ADAMTS7: variants seen among roughly 807,000 people sequenced by gnomAD.
ADAMTS7 encodes the protein ADAM metallopeptidase with thrombospondin type 1 motif 7.
Under a neutral mutation model 172.6 loss-of-function variants are expected in ADAMTS7, and 89 were observed. The ratio of observed to expected loss-of-function variants is 0.52; its 90% CI spans 0.43 to 0.61. The LOEUF (loss-of-function observed/expected upper bound fraction) is 0.61. Ranked by LOEUF, ADAMTS7 falls within the 20% of genes least tolerant of loss-of-function variation. The pLI, the probability that ADAMTS7 is intolerant of heterozygous loss-of-function variation, is 0.00. For missense variants in ADAMTS7, 1,973 were observed against 2,355.6 expected (o/e 0.84, Z 3.36); for synonymous variants, 885 against 978.4 (o/e 0.90, Z 1.78).
rs766058429 is a variant in ADAMTS7 at position 78,768,681 on chromosome 15, G to A, written c.2519-422C>T. ...GCATGTGCAGGCTCAGCCCGTGCCC[G>A]GCACATCCTAAGAGCTCGATCCATG... is the stretch of plus-strand genomic sequence containing the variant. On this transcript the variant is annotated intron_variant, in intron 16 of 23. Transcript: ENST00000388820. 3.3e-5 allele frequency among the ~76,000 whole-genome samples: 5 copies of A among 152,188 alleles called. No individual in the cohort carries two copies. The East Asian group carries it at 5.8e-4, about 18-fold the overall frequency.
chr15:78,782,176 G>C (rs4886591), intron 8 of ADAMTS7, among the ~76,000 whole-genome samples: 2 of 151,634 alleles, frequency 1.3e-5, no homozygotes, highest in Non-Finnish European at 2.9e-5. Flanking sequence ...GATTATAGGC[G>C]TGCACCACCA....
chr15:78,801,197 A>G (rs1303967215), intron 1 of ADAMTS7, among the ~76,000 whole-genome samples: 8 of 151,994 alleles, frequency 5.3e-5, no homozygotes, highest in African/African-American at 1.7e-4. Context: ...GTCTTACTCT[A>G]CTCATCGTCT....
chr15:78,764,710 G>A lies in ADAMTS7; in HGVS notation c.4267-3C>T, dbSNP rs1283132528. 4.0e-6 allele frequency: 6 copies of A among 1,508,104 alleles called. No individual in the cohort carries two copies. Among genetic ancestry groups the A allele is most frequent in the Non-Finnish European group, 5.3e-6 (6 of 1,136,134 alleles). 93.4% of individuals were successfully genotyped at this position (1,508,104 alleles called of 1,614,324 possible). On this transcript the variant is annotated splice_polypyrimidine_tract_variant and splice_region_variant and intron_variant, in intron 19 of 23. Transcript: ENST00000388820. ...CCCAGGCCACAGGTGGTAGAGCACT[G>A]CGGGGCAGAGACCCGTGAAAGCCAG...
Position 78,797,925 on chromosome 15 carries a change from G to A in ADAMTS7, c.622+23C>T, listed in dbSNP as rs780666062. Reference sequence around the variant, plus strand: ...GTCCCCAGGCCCAGCACCCACCCGAGAACTGGGAGCAGAAGAGCATACCTT... The same window carrying A: ...GTCCCCAGGCCCAGCACCCACCCGAAAACTGGGAGCAGAAGAGCATACCTT... On this transcript the variant is annotated intron_variant, in intron 3 of 23. Coordinates refer to ENST00000388820, the MANE Select transcript of ADAMTS7 (RefSeq NM_014272.5). 3.8e-6 allele frequency: 6 copies of A among 1,589,746 alleles called. No homozygotes were observed. The South Asian group carries it at 5.7e-5, about 15-fold the overall frequency.
At position 78,771,710 on chromosome 15, in the gene ADAMTS7, C is replaced by T; in HGVS notation, c.2251G>A (p.Gly751Ser). The T allele has an allele frequency of 1.9e-6, 3 of 1,608,396 alleles. No individual in the cohort carries two copies. The highest frequency in any genetic ancestry group is 1.3e-5 in the African/African-American group (1 of 75,008). ...SEDPEKYFLN[G>S]GWTIQWNGDY... The stretch of plus-strand genomic sequence containing the variant: ...CCGTTCCACTGGATGGTCCAGCCAC[C>T]ATTGAGGAAGTACTTCTCCGGGTCC... Residue 751 changes from glycine to serine, a missense_variant, in exon 15 of 24, where the codon GGT (glycine) becomes AGT (serine). By Grantham distance (56) the Gly-to-Ser change is moderately conservative. Transcript: ENST00000388820. The surrounding 1 kb of genome is among the most constrained non-coding windows in gnomAD (Gnocchi z 4.9).
chr15:78,772,194 C>T (rs779325463), intron 14 of ADAMTS7, among the ~76,000 whole-genome samples: 14 of 152,302 alleles, frequency 9.2e-5, no homozygotes, highest in Admixed American at 2.0e-4. Context: ...TTTATTCATT[C>T]ACTTCCATCA....
chr15:78,775,551 ACCCCCACC>A (rs2055329317), intron 11 of ADAMTS7, among the ~76,000 whole-genome samples: 1 of 150,094 alleles, frequency 6.7e-6, no homozygotes, highest in South Asian at 2.1e-4. Flanking sequence ...CACCCCCTGC[ACCCCCACC>A]CCCCCGTTTA....
At chr15:78,774,938 G>T in intron 11 of ADAMTS7, 145 bp from the exon 12 acceptor site, 1 of 1,062,328 alleles carries the variant, frequency 9.4e-7, no homozygotes, top group Non-Finnish European at 1.3e-6. Context: ...CCTCCCTTGG[G>T]CTGCCCACCC....
chr15:78,775,833 G>T (rs1301157603), intron 11 of ADAMTS7, among the ~76,000 whole-genome samples: 1 of 152,186 alleles, frequency 6.6e-6, no homozygotes, highest in Non-Finnish European at 1.5e-5. Context: ...CCAGAGAAGG[G>T]GTGAAGAGGA....
chr15:78,761,779 G>T, intron 23 of ADAMTS7: 1 of 923,618 alleles, frequency 1.1e-6, no homozygotes, highest in Non-Finnish European at 1.3e-6. Context: ...CACACATGCT[G>T]GAGGCGGCGG....
rs762612823 is a variant in ADAMTS7 at position 78,774,307 on chromosome 15, G to A, written c.1877-7C>T. 51 of 1,564,838 alleles carry A rather than the reference G, an allele frequency of 3.3e-5. No homozygotes were observed. Among genetic ancestry groups the A allele is most frequent in the African/African-American group, 4.0e-5 (3 of 74,568 alleles). On this transcript the variant is annotated splice_region_variant and splice_polypyrimidine_tract_variant and intron_variant, in intron 12 of 23. Coordinates refer to ENST00000388820, the MANE Select transcript of ADAMTS7 (RefSeq NM_014272.5). ...TGCAGCTCGCAGGGGTTCACTGAGG[G>A]CCCAAGTAGAAGAGTCATCAGCAAC...
chr15:78,782,542 T>C (rs541263472), intron 8 of ADAMTS7, among the ~76,000 whole-genome samples: 2 of 151,990 alleles, frequency 1.3e-5, no homozygotes, highest in Non-Finnish European at 2.9e-5. Context: ...CTTCCAAAAC[T>C]CCACTATGAT....
At chr15:78,794,648 A>G (rs1165580215) in intron 4 of ADAMTS7, among the ~76,000 whole-genome samples, 1 of 152,210 alleles carries the variant, frequency 6.6e-6, no homozygotes, top group African/African-American at 2.4e-5. Flanking sequence ...CCTGGGGCAA[A>G]AACACCTGAA....
In ADAMTS7 at chr15:78,771,626, G is replaced by A; in HGVS notation, c.2335C>T (p.Leu779Phe). The change falls in exon 15 of 24, where the codon CTC becomes TTC. Residue 779 changes from leucine (L) to phenylalanine (F), a missense_variant. Physicochemically the swap from Leu to Phe is conservative, Grantham distance 22 (BLOSUM62 0). Coordinates refer to ENST00000388820, the MANE Select transcript of ADAMTS7 (RefSeq NM_014272.5). The surrounding 1 kb of genome is among the most constrained non-coding windows in gnomAD (Gnocchi z 4.9). ...TCCTTGGTGGGACCCGGGGACGTGA[G>A]GTTCTCCCAGTTGCCCCTGCGTGCG... ...TYARRGNWENLTSPGPTKEPV... is the reference protein window; with the variant it reads ...TYARRGNWENFTSPGPTKEPV... The A allele has an allele frequency of 6.2e-7, 1 of 1,601,904 alleles. No individual in the cohort carries two copies.
In ADAMTS7 at chr15:78,789,549, G is replaced by A. The variant is rs552504616; in HGVS notation, c.1178+140C>T. ...GTGGGGAGGGGACAGTGCAGGGGCA[G>A]CACATGGCCAGTCAGGGCTCCTTTT... is the stretch of plus-strand genomic sequence containing the variant. On this transcript the variant is annotated intron_variant, in intron 7 of 23. Coordinates refer to ENST00000388820, the MANE Select transcript of ADAMTS7 (RefSeq NM_014272.5). 924 of 1,198,240 alleles carry A rather than the reference G, an allele frequency of 7.7e-4. 14 individuals are homozygous for A. The South Asian group carries it at 0.013, about 17-fold the overall frequency. 74.2% of individuals were successfully genotyped at this position (1,198,240 alleles called of 1,614,324 possible). A position where few individuals can be genotyped will look rare whatever the true frequency, so the allele number is the denominator to read the frequency against.
In ADAMTS7 at chr15:78,764,083, C is replaced by A; in HGVS notation, c.4436G>T (p.Gly1479Val). ...GNWSKCSRSC[G>V]GGSSVRDVQC... is the part of the protein sequence containing the mutation. Reference sequence around the variant, plus strand: ...CACGTCCCGCACTGAGGAACCTCCGCCGCAGCTGCGGGAGCACTGGGGACC... The same window carrying A: ...CACGTCCCGCACTGAGGAACCTCCGACGCAGCTGCGGGAGCACTGGGGACC... Residue 1479 changes from glycine (G) to valine (V), a missense_variant, in exon 21 of 24, where the codon GGC becomes GTC. By Grantham distance (109) the Gly-to-Val change is moderately radical (BLOSUM62 -3). This residue lies in a region of ADAMTS7 where 218 missense variants were observed against 216.9 expected (regional missense o/e 1.01). Coordinates refer to ENST00000388820, the MANE Select transcript of ADAMTS7 (RefSeq NM_014272.5). The A allele has an allele frequency of 2.0e-6, 3 of 1,527,244 alleles. No individual in the cohort carries two copies. The highest frequency in any genetic ancestry group is 2.6e-6 in the Non-Finnish European group (3 of 1,133,740). The allele number at this position is 1,527,244 out of a possible 1,614,324, so 94.6% of individuals were successfully genotyped here.
At chr15:78,778,043 T>G (rs1196069058) in intron 8 of ADAMTS7, among the ~76,000 whole-genome samples, 1 of 152,128 alleles carries the variant, frequency 6.6e-6, no homozygotes, top group Non-Finnish European at 1.5e-5. Context: ...GGGTCATCTG[T>G]GGAAAGGCGA....
At chr15:78,806,091 A>AACACACAC (rs1216857182) in intron 1 of ADAMTS7, among the ~76,000 whole-genome samples, 641 of 27,396 alleles carry the variant, frequency 0.023, 34 homozygotes, top group East Asian at 0.12. Context: ...CCCCCCCAAA[A>AACACACAC]ACACACACAC....
At chr15:78,802,100 T>C (rs1263077469) in intron 1 of ADAMTS7, among the ~76,000 whole-genome samples, 1 of 152,122 alleles carries the variant, frequency 6.6e-6, no homozygotes, top group African/African-American at 2.4e-5. Flanking sequence ...GCCTCCTAAA[T>C]TGTTGGGATT....
Sources: allele counts gnomAD v4.1 joint callset (sites outside exome capture counted in the v4.1 genomes callset), GRCh38; gene constraint gnomAD v4.1.1; regional missense constraint gnomAD v4.1.1; non-coding constraint Gnocchi (gnomAD v3.1); transcripts MANE v1.5; gene names NCBI Gene and HGNC (gene_info 2026-07-23, HGNC 2026-07-21).